Variants in CDH18 observed in about 807,000 individuals in gnomAD.
CDH18 encodes cadherin 18.
CDH18 carries 31 observed loss-of-function variants against 67.9 expected under a neutral mutation model. That is an observed-to-expected ratio of 0.46 (90% CI 0.34 to 0.62). The LOEUF is 0.62. Ranked by LOEUF, CDH18 falls within the 20% of genes least tolerant of loss-of-function variation. The probability of loss-of-function intolerance (pLI) is 0.01; values close to 1 mark genes in which losing one functional copy is unlikely to be tolerated. For missense variants in CDH18, 890 were observed against 975.5 expected (o/e 0.91, Z 1.17); for synonymous variants, 362 against 347.2 (o/e 1.04, Z -0.48).
intron 10 of CDH18, among the ~76,000 whole-genome samples, chr5:19,519,456 C>T (rs946511761): frequency 6.6e-6 from 1 of 152,074 alleles, no homozygotes; most frequent in Non-Finnish European, 1.5e-5. Flanking sequence ...TAATAGAGTA[C>T]TTTTGACTCA....
chr5:19,815,268 G>T (rs531629832), intron 3 of CDH18, among the ~76,000 whole-genome samples: 1 of 152,010 alleles, frequency 6.6e-6, no homozygotes, highest in South Asian at 2.1e-4. Context: ...ATGACACCAT[G>T]TCATCATGTT....
chr5:20,416,454 GA>G (rs1359990143), intron 1 of CDH18, among the ~76,000 whole-genome samples: 1 of 152,016 alleles, frequency 6.6e-6, no homozygotes, highest in Admixed American at 6.5e-5. Flanking sequence ...TGTGCTTACA[GA>G]AAAAAGTAAG....
chr5:20,079,288 T>G (rs1744236931), intron 2 of CDH18, among the ~76,000 whole-genome samples: 2 of 152,158 alleles, frequency 1.3e-5, no homozygotes, highest in South Asian at 4.1e-4. Context: ...CGTCTTTAGA[T>G]TCCAGATATA....
intron 2 of CDH18, among the ~76,000 whole-genome samples, chr5:20,080,726 G>GA: frequency 2.2e-4 from 1 of 4,466 alleles, no homozygotes; most frequent in Non-Finnish European, 0.01. Context: ...TTAGGAAGAA[G>GA]GGGAGAGAGG....
chr5:20,298,978 G>A (rs1045268321), intron 1 of CDH18, among the ~76,000 whole-genome samples: 1 of 152,096 alleles, frequency 6.6e-6, no homozygotes, highest in Admixed American at 6.6e-5. Flanking sequence ...AGAGTAAGAT[G>A]GGGAGATATA....
chr5:20,237,429 T>G (rs1038558587), intron 2 of CDH18, among the ~76,000 whole-genome samples: 1 of 151,866 alleles, frequency 6.6e-6, no homozygotes, highest in Non-Finnish European at 1.5e-5. Flanking sequence ...GTAGAAAAAT[T>G]GATTGAAACT....
At chr5:20,411,962 A>C (rs754155469) in intron 1 of CDH18, among the ~76,000 whole-genome samples, 1 of 152,310 alleles carries the variant, frequency 6.6e-6, no homozygotes, top group African/African-American at 2.4e-5. Flanking sequence ...TACTGCTGAA[A>C]GCAATCTACA....
chr5:20,068,949 A>G (rs1157589579), intron 2 of CDH18, among the ~76,000 whole-genome samples: 1 of 152,182 alleles, frequency 6.6e-6, no homozygotes, highest in African/African-American at 2.4e-5. Context: ...CACCCTAATT[A>G]GTTCAGTCTC....
chr5:19,590,503 T>C (rs563230227), intron 7 of CDH18, among the ~76,000 whole-genome samples: 12 of 152,000 alleles, frequency 7.9e-5, no homozygotes, highest in East Asian at 5.8e-4. Context: ...GATAGATAGA[T>C]AGATAGACAG....
chr5:19,598,327 C>A (rs1019474576), intron 6 of CDH18, among the ~76,000 whole-genome samples: 12 of 152,096 alleles, frequency 7.9e-5, no homozygotes, highest in Non-Finnish European at 1.5e-5. Flanking sequence ...AATGAATAGT[C>A]ACTTCTACTA....
At chr5:19,717,854 T>C (rs1765525608) in intron 5 of CDH18, among the ~76,000 whole-genome samples, 1 of 152,054 alleles carries the variant, frequency 6.6e-6, no homozygotes, top group Non-Finnish European at 1.5e-5. Flanking sequence ...TTTTATATTT[T>C]ATCATCGTAG....
chr5:19,756,406 C>T (rs938810921), intron 3 of CDH18, among the ~76,000 whole-genome samples: 2 of 152,216 alleles, frequency 1.3e-5, no homozygotes, highest in Admixed American at 1.3e-4. Context: ...TTCTGTATTT[C>T]TTTGCCTTCA....
chr5:19,888,231 C>G (rs985223032), intron 2 of CDH18, among the ~76,000 whole-genome samples: 5 of 152,104 alleles, frequency 3.3e-5, no homozygotes, highest in African/African-American at 1.2e-4. Flanking sequence ...AGCTTGCACA[C>G]AAAAACATAC....
intron 1 of CDH18, among the ~76,000 whole-genome samples, chr5:20,397,217 G>A (rs112938422): frequency 0.01 from 1,530 of 152,078 alleles, 23 homozygotes; most frequent in African/African-American, 0.035. Flanking sequence ...GGCAACATCC[G>A]CCTCCTGGGT....
intron 2 of CDH18, among the ~76,000 whole-genome samples, chr5:20,078,852 G>A (rs1160052940): frequency 2.0e-5 from 3 of 152,160 alleles, no homozygotes; most frequent in Non-Finnish European, 4.4e-5. Context: ...CTGATCTGAG[G>A]TGATCCACCC....
intron 8 of CDH18, among the ~76,000 whole-genome samples, chr5:19,570,855 T>C (rs753559099): frequency 6.6e-6 from 1 of 152,200 alleles, no homozygotes; most frequent in Non-Finnish European, 1.5e-5. Flanking sequence ...AACTAAATCC[T>C]ATCAACATAT....
chr5:20,428,703 C>G (rs1748510933), intron 1 of CDH18, among the ~76,000 whole-genome samples: 1 of 152,088 alleles, frequency 6.6e-6, no homozygotes, highest in East Asian at 1.9e-4. Context: ...AGTGATGATG[C>G]ACTTTTTTTC....
Position 19,898,807 on chromosome 5 carries a change from G to A in CDH18, c.-256-59565C>T, listed in dbSNP as rs183994813. On this transcript the variant is annotated intron_variant, in intron 2 of 12. Coordinates refer to ENST00000382275, the MANE Select transcript of CDH18 (RefSeq NM_004934.5). The stretch of plus-strand genomic sequence containing the variant: ...AAAAAAGTAAAATTGTGTACAAGTG[G>A]GGATACATTAAACTTAAAAGCTTTG... Among the ~76,000 whole-genome samples, 52 of 152,104 alleles carry A rather than the reference G, an allele frequency of 3.4e-4. 1 individual carries two copies. In the East Asian group the frequency reaches 9.9e-3, roughly 29 times the overall value.
intron 2 of CDH18, among the ~76,000 whole-genome samples, chr5:20,208,988 T>C (rs1740136777): frequency 6.6e-6 from 1 of 151,970 alleles, no homozygotes; most frequent in Admixed American, 6.6e-5. Context: ...GCAACAAGAA[T>C]ATGAGAAAGT....
Sources: allele counts gnomAD v4.1 joint callset (sites outside exome capture counted in the v4.1 genomes callset), GRCh38; gene constraint gnomAD v4.1.1; transcripts MANE v1.5; gene names NCBI Gene and HGNC (gene_info 2026-07-23, HGNC 2026-07-21).